Variants in GRM8 observed in about 807,000 individuals in gnomAD.
GRM8 encodes the protein metabotropic glutamate receptor 8.
GRM8 carries 47 observed loss-of-function variants against 87.2 expected under a neutral mutation model. The ratio of observed to expected loss-of-function variants is 0.54; its 90% CI spans 0.43 to 0.69. The LOEUF is 0.69. GRM8 is among the 30% of genes least tolerant of loss of function. The probability of loss-of-function intolerance (pLI) is 0.00; values close to 1 mark genes in which losing one functional copy is unlikely to be tolerated. For missense variants in GRM8, 1,019 were observed against 1,139.2 expected (o/e 0.89, Z 1.52); for synonymous variants, 396 against 404.5 (o/e 0.98, Z 0.25).
chr7:127,241,242 G>A (rs1798276039), intron 2 of GRM8, among the ~76,000 whole-genome samples: 1 of 152,188 alleles, frequency 6.6e-6, no homozygotes, highest in South Asian at 2.1e-4. Flanking sequence ...GGATTCCAGT[G>A]CCATGAGTGG....
At chr7:127,226,725 T>G (rs1229743806) in intron 2 of GRM8, among the ~76,000 whole-genome samples, 1 of 152,254 alleles carries the variant, frequency 6.6e-6, no homozygotes, top group African/African-American at 2.4e-5. Flanking sequence ...AGCTGATTAG[T>G]GAACACTAGA....
chr7:126,861,589 C>T (rs1374558492), intron 6 of GRM8, among the ~76,000 whole-genome samples: 2 of 151,684 alleles, frequency 1.3e-5, no homozygotes, highest in African/African-American at 4.8e-5. Flanking sequence ...TTTTTCTTAC[C>T]TGATGAGACA....
At chr7:127,034,978 G>T (rs1488793127) in intron 3 of GRM8, among the ~76,000 whole-genome samples, 1 of 152,154 alleles carries the variant, frequency 6.6e-6, no homozygotes, top group African/African-American at 2.4e-5. Flanking sequence ...AGCTAGGAAA[G>T]TGAGCATGGT....
At chr7:126,834,100 C>T (rs1459249764) in intron 6 of GRM8, among the ~76,000 whole-genome samples, 2 of 152,116 alleles carry the variant, frequency 1.3e-5, no homozygotes, top group Non-Finnish European at 2.9e-5. Context: ...CAGGAGGTGC[C>T]AACAGAGGTG....
chr7:126,630,716 G>T (rs2188298), intron 7 of GRM8, among the ~76,000 whole-genome samples: 75,335 of 151,822 alleles, frequency 0.5, 19,489 homozygotes, highest in South Asian at 0.65. Context: ...AGATGCAAGG[G>T]TGGTTCAACA....
chr7:126,954,010 C>T (rs947300430), intron 3 of GRM8, among the ~76,000 whole-genome samples: 1 of 152,100 alleles, frequency 6.6e-6, no homozygotes, highest in Non-Finnish European at 1.5e-5. Flanking sequence ...CTTGTTTCTA[C>T]CAAACGAGAT....
chr7:126,718,774 C>CTTG (rs1812049013), intron 7 of GRM8, among the ~76,000 whole-genome samples: 1 of 152,196 alleles, frequency 6.6e-6, no homozygotes, highest in African/African-American at 2.4e-5. Flanking sequence ...ATGTTCGTGT[C>CTTG]AGCCACTTTC....
At chr7:126,650,668 C>T (rs530838271) in intron 7 of GRM8, among the ~76,000 whole-genome samples, 2 of 152,002 alleles carry the variant, frequency 1.3e-5, no homozygotes, top group East Asian at 1.9e-4. Flanking sequence ...TGTGAATAGA[C>T]CTCTCTGAGT....
chr7:126,709,083 T>A (rs1022295641), intron 7 of GRM8, among the ~76,000 whole-genome samples: 1 of 152,138 alleles, frequency 6.6e-6, no homozygotes, highest in African/African-American at 2.4e-5. Context: ...TATATAAAAT[T>A]TTTTGTCAAA....
At chr7:127,027,136 G>A (rs1181125728) in intron 3 of GRM8, among the ~76,000 whole-genome samples, 2 of 152,144 alleles carry the variant, frequency 1.3e-5, no homozygotes, top group African/African-American at 4.8e-5. Context: ...TCAAAGATCA[G>A]ATGGTTGTAG....
intron 8 of GRM8, among the ~76,000 whole-genome samples, chr7:126,608,016 C>T (rs536000286): frequency 2.3e-4 from 35 of 152,082 alleles, no homozygotes; most frequent in African/African-American, 8.0e-4. Context: ...GACTACAGAA[C>T]GTGCTCCATA....
At chr7:126,585,929 A>T (rs1302451631) in intron 8 of GRM8, among the ~76,000 whole-genome samples, 1 of 152,016 alleles carries the variant, frequency 6.6e-6, no homozygotes, top group Non-Finnish European at 1.5e-5. Context: ...TATTTAGAAA[A>T]CCCCATTGTC....
At chr7:126,838,658 C>T (rs771774336) in intron 6 of GRM8, among the ~76,000 whole-genome samples, 1 of 152,180 alleles carries the variant, frequency 6.6e-6, no homozygotes, top group Non-Finnish European at 1.5e-5. Flanking sequence ...TCTCTGCTTT[C>T]TGAAACACTC....
chr7:126,598,215 G>GT (rs1562993789), intron 8 of GRM8, among the ~76,000 whole-genome samples: 2 of 52,910 alleles, frequency 3.8e-5, no homozygotes, highest in South Asian at 1.1e-3. Flanking sequence ...AATTCTTGTG[G>GT]TTTTTTCCTA....
At chr7:126,878,161 G>T (rs1402570848) in intron 6 of GRM8, among the ~76,000 whole-genome samples, 1 of 152,074 alleles carries the variant, frequency 6.6e-6, no homozygotes, top group Non-Finnish European at 1.5e-5. Flanking sequence ...ACCACCTAAC[G>T]CTAGGCATGC....
chr7:126,691,248 C>A (rs1430078702), intron 7 of GRM8, among the ~76,000 whole-genome samples: 1 of 152,206 alleles, frequency 6.6e-6, no homozygotes, highest in Non-Finnish European at 1.5e-5. Flanking sequence ...TGTGTTAGTG[C>A]TGCCCCAAGT....
chr7:126,569,437 A>T (rs192921132), intron 8 of GRM8, among the ~76,000 whole-genome samples: 2 of 152,296 alleles, frequency 1.3e-5, no homozygotes, highest in East Asian at 1.9e-4. Flanking sequence ...AGAAACAAAA[A>T]TGCTGAAAGT....
chr7:126,747,353 C>A (rs1287563694), intron 7 of GRM8, among the ~76,000 whole-genome samples: 1 of 152,060 alleles, frequency 6.6e-6, no homozygotes, highest in Non-Finnish European at 1.5e-5. Flanking sequence ...TAGCCACTTG[C>A]CCTATTATGC....
At chr7:126,523,998 T>G (rs1159707965) in intron 9 of GRM8, among the ~76,000 whole-genome samples, 1 of 152,176 alleles carries the variant, frequency 6.6e-6, no homozygotes, top group East Asian at 1.9e-4. Flanking sequence ...ATTACTATAT[T>G]ATGGCTACTA....
Sources: gnomAD v4.1 joint callset for allele counts (sites outside exome capture counted in the v4.1 genomes callset) on GRCh38, gnomAD v4.1.1 for gene constraint, MANE v1.5 for transcripts, NCBI Gene and HGNC (gene_info 2026-07-23, HGNC 2026-07-21) for gene names.